PRKAR1A: variants seen among roughly 807,000 people sequenced by gnomAD.
The protein encoded by PRKAR1A is cAMP-dependent protein kinase type I-alpha regulatory subunit.
In PRKAR1A, 3 loss-of-function variants were observed where a neutral mutation model predicts 52.0. That is an observed-to-expected ratio of 0.06 (90% CI 0.03 to 0.15). The LOEUF is 0.15. Among genes scored for constraint, PRKAR1A ranks in the 10% least tolerant of loss-of-function variants. The pLI, the probability that PRKAR1A is intolerant of heterozygous loss-of-function variation, is 1.00. For missense variants in PRKAR1A, 240 were observed against 477.4 expected, an observed-to-expected ratio of 0.50 and a Z score of 4.63; for synonymous variants, 188 against 168.4, an observed-to-expected ratio of 1.12 and a Z score of -0.90.
intron 3 of PRKAR1A, among the ~76,000 whole-genome samples, chr17:68,523,268 C>T (rs187980003): frequency 3.3e-5 from 5 of 152,258 alleles, no homozygotes; most frequent in East Asian, 3.9e-4. Flanking sequence ...TTTTATTCTA[C>T]GAGCCTCATT....
At chr17:68,527,619 C>T in intron 7 of PRKAR1A, 1 of 508,466 alleles carries the variant, frequency 2.0e-6, no homozygotes. Context: ...AGGAATTGGG[C>T]ATAATATTGG....
intron 11 of PRKAR1A, among the ~76,000 whole-genome samples, chr17:68,549,555 CAG>C (rs1230686202): frequency 1.3e-5 from 2 of 150,732 alleles, no homozygotes; most frequent in South Asian, 4.2e-4. Context: ...GCTCGGAGAA[CAG>C]AATCTATGGA....
downstream of PRKAR1A, chr17:68,537,553 C>T: frequency 6.2e-7 from 1 of 1,613,634 alleles, no homozygotes; most frequent in South Asian, 1.1e-5. The surrounding 1 kb of genome is among the most constrained non-coding windows in gnomAD (Gnocchi z 4.2). Flanking sequence ...ACTCTGCTGT[C>T]CATGGGCCAC....
intron 11 of PRKAR1A, chr17:68,540,992 G>A: frequency 5.8e-6 from 9 of 1,556,102 alleles, no homozygotes; most frequent in Non-Finnish European, 7.8e-6. Context: ...GGCTGGAAAA[G>A]CCAAGATGGC....
At chr17:68,468,812 CTATT>C in the PRKAR1A span, among the ~76,000 whole-genome samples, 1 of 152,078 alleles carries the variant, frequency 6.6e-6, no homozygotes, top group Non-Finnish European at 1.5e-5. Context: ...GTTCCAGAGA[CTATT>C]TACATGCTGT....
In PRKAR1A at chr17:68,531,332, A is replaced by G. The variant is rs1478220422; in HGVS notation, c.*883A>G. Reference sequence around the variant, plus strand: ...TTAATTTAGAGCGTTTGGTTAAAGTATGTCCTTCAGCTGACTCCAGTATAA... The same window carrying G: ...TTAATTTAGAGCGTTTGGTTAAAGTGTGTCCTTCAGCTGACTCCAGTATAA... On this transcript the variant is annotated 3_prime_UTR_variant, in exon 11 of 11. Transcript: ENST00000589228. 2 of 1,066,030 alleles carry G rather than the reference A, an allele frequency of 1.9e-6. No homozygotes were observed. Among genetic ancestry groups the G allele is most frequent in the Non-Finnish European group, 2.3e-6 (2 of 879,622 alleles). 66.0% of individuals were successfully genotyped at this position (1,066,030 alleles called of 1,614,324 possible).
chr17:68,544,728 C>T (rs566729566), intron 11 of PRKAR1A, among the ~76,000 whole-genome samples: 1 of 152,300 alleles, frequency 6.6e-6, no homozygotes, highest in South Asian at 2.1e-4. Flanking sequence ...CCTCCGTGCT[C>T]AGGCCTGGCC....
chr17:68,469,447 A>G, the PRKAR1A span, among the ~76,000 whole-genome samples: 9 of 152,128 alleles, frequency 5.9e-5, no homozygotes. Context: ...TGCCTCCTCC[A>G]TCTAAAACAA....
At chr17:68,442,888 A>C in the PRKAR1A span, among the ~76,000 whole-genome samples, 3 of 152,142 alleles carry the variant, frequency 2.0e-5, no homozygotes, top group Non-Finnish European at 4.4e-5. Flanking sequence ...TCCTGGTATG[A>C]GGTTGCCTAA....
At chr17:68,503,592 G>T in the PRKAR1A span, among the ~76,000 whole-genome samples, 1 of 152,222 alleles carries the variant, frequency 6.6e-6, no homozygotes, top group South Asian at 2.1e-4. Flanking sequence ...GTCTAAAAAG[G>T]CTACATAGTG....
chr17:68,549,555 C>T (rs2086736557), intron 11 of PRKAR1A, among the ~76,000 whole-genome samples: 1 of 150,678 alleles, frequency 6.6e-6, no homozygotes, highest in Non-Finnish European at 1.5e-5. Context: ...GCTCGGAGAA[C>T]AGAATCTATG....
chr17:68,426,240 G>GT, the PRKAR1A span: 3 of 1,131,484 alleles, frequency 2.7e-6, no homozygotes, highest in Non-Finnish European at 3.9e-6. Flanking sequence ...TGACCTGGCG[G>GT]GTGGGGAGCG....
At chr17:68,421,141 C>G in the PRKAR1A span, 4 of 154,688 alleles carry the variant, frequency 2.6e-5, no homozygotes, top group Non-Finnish European at 5.7e-5. Flanking sequence ...TCAGAGCAGA[C>G]GAGTCCATGG....
chr17:68,438,916 A>T, the PRKAR1A span, among the ~76,000 whole-genome samples: 1 of 152,292 alleles, frequency 6.6e-6, no homozygotes, highest in African/African-American at 2.4e-5. Context: ...ATATGTTTTT[A>T]AAAAGGCTGT....
chr17:68,424,601 T>C, the PRKAR1A span: 1 of 476,976 alleles, frequency 2.1e-6, no homozygotes, highest in Non-Finnish European at 4.3e-6. Flanking sequence ...TCCGGCCGGG[T>C]GCGGCGGTTC....
chr17:68,433,464 T>C, the PRKAR1A span: 139 of 1,613,750 alleles, frequency 8.6e-5, no homozygotes, highest in Non-Finnish European at 1.2e-4. Flanking sequence ...CGCGGAGTAC[T>C]TGCCTGTTGG....
At chr17:68,443,648 G>C in the PRKAR1A span, among the ~76,000 whole-genome samples, 1 of 152,204 alleles carries the variant, frequency 6.6e-6, no homozygotes, top group Non-Finnish European at 1.5e-5. Context: ...AGGTGACTTG[G>C]ATGGCACCCA....
chr17:68,508,111 T>C (rs2085220340), upstream of PRKAR1A, among the ~76,000 whole-genome samples: 1 of 152,214 alleles, frequency 6.6e-6, no homozygotes, highest in South Asian at 2.1e-4. Context: ...GAGTTCTGCC[T>C]TGGACTTGAG....
At chr17:68,429,879 G>T in the PRKAR1A span, 1 of 1,472,132 alleles carries the variant, frequency 6.8e-7, no homozygotes, top group Non-Finnish European at 9.4e-7. Context: ...GTAAGCCACC[G>T]TGCCCAGCCT....
Sources: gnomAD v4.1 joint callset for allele counts (sites outside exome capture counted in the v4.1 genomes callset) on GRCh38, gnomAD v4.1.1 for gene constraint, Gnocchi (gnomAD v3.1) non-coding constraint, MANE v1.5 for transcripts, NCBI Gene and HGNC (gene_info 2026-07-23, HGNC 2026-07-21) for gene names.